The following MORC1 variants were observed in gnomAD, a reference collection of about 807,000 sequenced individuals.
MORC1 encodes MORC family CW-type zinc finger protein 1.
Under a neutral mutation model 134.9 loss-of-function variants are expected in MORC1, and 59 were observed. That is an observed-to-expected ratio of 0.44 (90% CI 0.35 to 0.54). MORC1 has a LOEUF of 0.54. Ranked by LOEUF, MORC1 falls within the 20% of genes least tolerant of loss-of-function variation. MORC1 has a pLI of 0.00. For missense variants in MORC1, 947 were observed against 1,134.5 expected (o/e 0.83, Z 2.37); for synonymous variants, 395 against 391.7 (o/e 1.01, Z -0.10).
In MORC1 at chr3:109,026,626, T is replaced by C. The variant is rs530374161; in HGVS notation, c.1704+1125A>G. Among the ~76,000 whole-genome samples the C allele has an allele frequency of 2.3e-4, 35 of 152,258 alleles. No individual in the cohort carries two copies. The South Asian group carries it at 2.5e-3, about 11-fold the overall frequency. ...TGAATGCCTTCACAAAGCTACCAAGTGTGGTAAATAAGAAACAAAATTAAA... is the reference window on the plus strand; with the variant it reads ...TGAATGCCTTCACAAAGCTACCAAGCGTGGTAAATAAGAAACAAAATTAAA... On this transcript the variant is annotated intron_variant, in intron 17 of 27. Transcript: ENST00000232603.
At chr3:109,073,468 G>T (rs1950362270) in intron 8 of MORC1, among the ~76,000 whole-genome samples, 1 of 152,136 alleles carries the variant, frequency 6.6e-6, no homozygotes, top group South Asian at 2.1e-4. Flanking sequence ...TGTAAGGCAG[G>T]TTGCCACAAA....
chr3:109,108,917 AG>A (rs1359698903), intron 3 of MORC1, among the ~76,000 whole-genome samples: 13 of 143,820 alleles, frequency 9.0e-5, no homozygotes, highest in Middle Eastern at 3.5e-3. Context: ...AAAAAAAAAA[AG>A]ACCACATGTC....
At chr3:108,975,701 T>C (rs910651993) in intron 24 of MORC1, among the ~76,000 whole-genome samples, 10 of 152,184 alleles carry the variant, frequency 6.6e-5, no homozygotes, top group African/African-American at 2.4e-4. Context: ...TGAGCTATCA[T>C]ATGCAAAGCC....
At position 109,000,602 on chromosome 3, in the gene MORC1, C is replaced by T; in HGVS notation, c.2142G>A (p.Lys714=). 6.2e-7 allele frequency: 1 copy of T among 1,611,538 alleles called. No individual in the cohort carries two copies. Among genetic ancestry groups the T allele is most frequent in the Non-Finnish European group, 8.5e-7 (1 of 1,179,088 alleles). The change falls in exon 21 of 28, where the codon AAG becomes AAA. Residue 714 remains lysine, a synonymous_variant. Coordinates refer to ENST00000232603, the MANE Select transcript of MORC1 (RefSeq NM_014429.4). Reference sequence around the variant, plus strand: ...TCGTGTTCTCATCTTCAGTCAATACCTTACATTCCTCTACAAAGTTCAGAC... The same window carrying T: ...TCGTGTTCTCATCTTCAGTCAATACTTTACATTCCTCTACAAAGTTCAGAC... ...KQSLNFVEEC[K]VLTEDENTSD...
chr3:109,061,303 A>G (rs1559928651), intron 11 of MORC1, among the ~76,000 whole-genome samples: 2 of 152,206 alleles, frequency 1.3e-5, no homozygotes, highest in African/African-American at 4.8e-5. Flanking sequence ...AAAGCTTCAT[A>G]CCATATTTTT....
At chr3:108,984,660 C>A in intron 23 of MORC1, 56 bp downstream of exon 23, 1 of 1,280,468 alleles carries the variant, frequency 7.8e-7, no homozygotes, top group Admixed American at 2.4e-5. Context: ...TTGATAATTA[C>A]TTTTCAGCAG....
At chr3:109,024,415 C>A (rs1576644990) in intron 17 of MORC1, among the ~76,000 whole-genome samples, 2 of 152,150 alleles carry the variant, frequency 1.3e-5, no homozygotes, top group Non-Finnish European at 1.5e-5. Context: ...TTAGATCTAG[C>A]TACTTCATTT....
chr3:109,037,599 C>T (rs569089802), intron 14 of MORC1, among the ~76,000 whole-genome samples: 2 of 152,162 alleles, frequency 1.3e-5, no homozygotes, highest in African/African-American at 2.4e-5. Flanking sequence ...CCAGCTCCCC[C>T]ACCCCCTGAC....
intron 2 of MORC1, among the ~76,000 whole-genome samples, chr3:109,112,519 C>A (rs1362762792): frequency 1.3e-5 from 2 of 152,140 alleles, no homozygotes; most frequent in East Asian, 3.8e-4. Flanking sequence ...AAAACTCAAA[C>A]GTCCATGAAG....
chr3:109,086,522 T>C (rs1201845559), intron 8 of MORC1, among the ~76,000 whole-genome samples: 1 of 152,098 alleles, frequency 6.6e-6, no homozygotes, highest in Non-Finnish European at 1.5e-5. Context: ...GTTCGCGTCC[T>C]GGTTATCATA....
chr3:108,991,996 C>T, intron 21 of MORC1, among the ~76,000 whole-genome samples: 1 of 152,100 alleles, frequency 6.6e-6, no homozygotes, highest in East Asian at 1.9e-4. Context: ...TTTAGTTTCT[C>T]CTTTTTACAG....
At position 108,958,669 on chromosome 3, in the gene MORC1, CT is replaced by C. The variant is rs1286532285; in HGVS notation, c.*295del. 6.1e-6 allele frequency: 1 copy of C among 165,118 alleles called. No homozygotes were observed. The highest frequency in any genetic ancestry group is 2.4e-5 in the African/African-American group (1 of 41,996). The allele number at this position is 165,118 out of a possible 1,614,324, so 10.2% of individuals were successfully genotyped here. A position where few individuals can be genotyped will look rare whatever the true frequency, so the allele number is the denominator to read the frequency against. ...CTTTTAAGGAATAACAAAAGTTAAG[CT>C]TGAGTGACATTTTCATTTTTTTCAG... On this transcript the variant is annotated 3_prime_UTR_variant, in exon 28 of 28. Coordinates refer to ENST00000232603, the MANE Select transcript of MORC1 (RefSeq NM_014429.4).
intron 13 of MORC1, among the ~76,000 whole-genome samples, chr3:109,056,931 A>C (rs143654164): frequency 1.3e-4 from 20 of 152,352 alleles, no homozygotes; most frequent in Non-Finnish European, 2.4e-4. Flanking sequence ...ATAACATATG[A>C]TCATGAAGCT....
At chr3:109,076,232 C>T (rs1417433230) in intron 8 of MORC1, among the ~76,000 whole-genome samples, 6 of 152,092 alleles carry the variant, frequency 3.9e-5, no homozygotes, top group Admixed American at 3.9e-4. Context: ...TGAAAAAAAG[C>T]TCATCATCAC....
chr3:109,031,787 G>T (rs1949247103), intron 16 of MORC1, among the ~76,000 whole-genome samples: 1 of 152,062 alleles, frequency 6.6e-6, no homozygotes, highest in African/African-American at 2.4e-5. Flanking sequence ...ATTCAATCAG[G>T]ACAGTTTTGC....
At chr3:109,112,052 A>T (rs1951178192) in intron 2 of MORC1, among the ~76,000 whole-genome samples, 1 of 152,240 alleles carries the variant, frequency 6.6e-6, no homozygotes, top group African/African-American at 2.4e-5. Flanking sequence ...ATCATGCATT[A>T]TACAAAGTAC....
At chr3:108,977,685 T>C (rs1006560969) in intron 24 of MORC1, among the ~76,000 whole-genome samples, 2 of 152,174 alleles carry the variant, frequency 1.3e-5, no homozygotes, top group Admixed American at 6.5e-5. Flanking sequence ...GACCAACCAA[T>C]AGGCCTGAAT....
intron 8 of MORC1, among the ~76,000 whole-genome samples, chr3:109,076,448 A>T (rs1008747246): frequency 1.3e-5 from 2 of 152,210 alleles, no homozygotes; most frequent in African/African-American, 4.8e-5. Context: ...AACCAGAAAT[A>T]CCATTTGACC....
rs1371621355 is a variant in MORC1, at chr3:109,054,709, AT to A, written c.1330+18del. ...AATCCCTCTGTAAGTATCTCCTACT[AT>A]GACTATTGAATACTCACTGATGCCG... On this transcript the variant is annotated intron_variant, in intron 14 of 27. Transcript: ENST00000232603. 1 of 1,502,470 alleles carries A rather than the reference AT, an allele frequency of 6.7e-7. No individual in the cohort carries two copies. Among genetic ancestry groups the A allele is most frequent in the East Asian group, 2.5e-5 (1 of 39,258 alleles). The allele number at this position is 1,502,470 out of a possible 1,614,324, so 93.1% of individuals were successfully genotyped here.
Sources: gnomAD v4.1 joint callset for allele counts (sites outside exome capture counted in the v4.1 genomes callset) on GRCh38, gnomAD v4.1.1 for gene constraint, MANE v1.5 for transcripts, NCBI Gene and HGNC (gene_info 2026-07-23, HGNC 2026-07-21) for gene names.